The following FHIP1B variants were observed in gnomAD, a reference collection of about 807,000 sequenced individuals.
FHIP1B encodes the protein FHF complex subunit HOOK interacting protein 1B.
FHIP1B carries 28 observed loss-of-function variants against 82.2 expected under a neutral mutation model. The observed-to-expected ratio is 0.34, with a 90% CI of 0.25 to 0.47. The LOEUF is 0.47. Ranked by LOEUF, FHIP1B falls within the 20% of genes least tolerant of loss-of-function variation. The probability of loss-of-function intolerance (pLI) is 1.00; values close to 1 mark genes in which losing one functional copy is unlikely to be tolerated. For missense variants in FHIP1B, 1,110 were observed against 1,262.6 expected (o/e 0.88, Z 1.83); for synonymous variants, 585 against 516.1 (o/e 1.13, Z -1.81).
intron 7 of FHIP1B, 88 bp from the exon 8 acceptor site, chr11:6,218,851 G>A (rs1448161306): frequency 9.6e-6 from 15 of 1,570,054 alleles, no homozygotes; most frequent in Non-Finnish European, 1.2e-5. Context: ...AAACTGCATG[G>A]TTAAGCCAGG....
chr11:6,225,496 CTATT>C (rs1385808146), intron 1 of FHIP1B, among the ~76,000 whole-genome samples: 1 of 152,192 alleles, frequency 6.6e-6, no homozygotes, highest in Non-Finnish European at 1.5e-5. Flanking sequence ...CTACCTGAAA[CTATT>C]TATTTATTTG....
At chr11:6,219,501 C>T (rs1017166183) in intron 6 of FHIP1B, among the ~76,000 whole-genome samples, 1 of 152,126 alleles carries the variant, frequency 6.6e-6, no homozygotes, top group Admixed American at 6.5e-5. Context: ...TAGAGGGAAC[C>T]GGGAAGATTC....
At chr11:6,222,918 A>G in intron 4 of FHIP1B, 21 bp from the exon 5 acceptor site, 1 of 1,612,058 alleles carries the variant, frequency 6.2e-7, no homozygotes, top group Non-Finnish European at 8.5e-7. Context: ...GCCAGAGAGA[A>G]GGGGGAGGGT....
chr11:6,222,330 G>T, intron 6 of FHIP1B, 112 bp downstream of exon 6: 1 of 1,187,776 alleles, frequency 8.4e-7, no homozygotes, highest in Non-Finnish European at 1.2e-6. Flanking sequence ...TTAATTTTGA[G>T]GTGACTGCTG....
intron 8 of FHIP1B, 127 bp downstream of exon 8, chr11:6,218,473 C>A: frequency 6.9e-7 from 1 of 1,445,800 alleles, no homozygotes; most frequent in Admixed American, 1.9e-5. Flanking sequence ...TCAACCTCCC[C>A]AAAGACAGAC....
At chr11:6,233,244 C>A (rs1205864165) in intron 1 of FHIP1B, among the ~76,000 whole-genome samples, 4 of 152,182 alleles carry the variant, frequency 2.6e-5, no homozygotes, top group African/African-American at 9.7e-5. Flanking sequence ...ATGGTCTCTC[C>A]CTGTCCACTG....
Position 6,224,620 on chromosome 11 carries a change from A to G in FHIP1B, c.-104T>C. On this transcript the variant is annotated 5_prime_UTR_variant, in exon 2 of 12. Transcript: ENST00000449352. ...CTCCAGTCTGCTTCATCCGGTCTGT[A>G]GGAGCCAGTAGCTGCCCATGGAGCC... 2 of 1,252,298 alleles carry G rather than the reference A, an allele frequency of 1.6e-6. No individual in the cohort carries two copies. Among genetic ancestry groups the G allele is most frequent in the East Asian group, 2.5e-5 (1 of 40,190 alleles). The allele number at this position is 1,252,298 out of a possible 1,614,324, so 77.6% of individuals were successfully genotyped here. A position where few individuals can be genotyped will look rare whatever the true frequency, so the allele number is the denominator to read the frequency against.
chr11:6,224,021 C>T lies in FHIP1B; in HGVS notation c.366G>A (p.Gly122=), dbSNP rs1296032231. The T allele has an allele frequency of 6.2e-7, 1 of 1,613,890 alleles. No homozygotes were observed. The highest frequency in any genetic ancestry group is 8.5e-7 in the Non-Finnish European group (1 of 1,179,868). ...WQLQWDELGD[G]VEERRAEQLK... Reference sequence around the variant, plus strand: ...GTTGCTCAGCCCGCCGTTCCTCGACCCCATCCCCAAGCTCATCCCATTGCA... The same window carrying T: ...GTTGCTCAGCCCGCCGTTCCTCGACTCCATCCCCAAGCTCATCCCATTGCA... The change falls in exon 3 of 12, where the codon GGG becomes GGA. Residue 122 remains glycine (G), a synonymous_variant. Coordinates refer to ENST00000449352, the MANE Select transcript of FHIP1B (RefSeq NM_001098794.2).
chr11:6,225,653 A>C (rs1187236198), intron 1 of FHIP1B, among the ~76,000 whole-genome samples: 4 of 152,216 alleles, frequency 2.6e-5, no homozygotes, highest in African/African-American at 9.6e-5. Flanking sequence ...TGAATGAATG[A>C]ATGAACAATC....
intron 9 of FHIP1B, 30 bp downstream of exon 9, chr11:6,217,341 A>G (rs778593557): frequency 5.0e-6 from 8 of 1,592,088 alleles, no homozygotes; most frequent in Admixed American, 3.3e-5. Flanking sequence ...AAGAGTACAC[A>G]GAAGGGAAGG....
intron 1 of FHIP1B, among the ~76,000 whole-genome samples, chr11:6,229,976 CAAAA>C (rs59413930): frequency 1.1e-5 from 1 of 92,068 alleles, no homozygotes. Context: ...TAGCAAAGTC[CAAAA>C]AAAAAAAAAA....
chr11:6,232,392 C>A (rs1847721336), intron 1 of FHIP1B, among the ~76,000 whole-genome samples: 1 of 152,250 alleles, frequency 6.6e-6, no homozygotes, highest in East Asian at 1.9e-4. Context: ...ACATAACCTT[C>A]ATCCCTATGT....
At position 6,224,357 on chromosome 11, in the gene FHIP1B, C is replaced by T. The variant is rs201369644; in HGVS notation, c.138+22G>A. ...AACTCAGGTGATCAGCAGACAAGGC[C>T]CTTTGCCATACAGTCTCCTACCTGG... is the stretch of plus-strand genomic sequence containing the variant. On this transcript the variant is annotated intron_variant, in intron 2 of 11. Coordinates refer to ENST00000449352, the MANE Select transcript of FHIP1B (RefSeq NM_001098794.2). 78 of 1,614,170 alleles carry T rather than the reference C, an allele frequency of 4.8e-5. No homozygotes were observed. The East Asian group carries it at 1.7e-3, about 35-fold the overall frequency.
At chr11:6,213,659 T>A (rs1564857026) in intron 11 of FHIP1B, among the ~76,000 whole-genome samples, 1 of 152,194 alleles carries the variant, frequency 6.6e-6, no homozygotes, top group Non-Finnish European at 1.5e-5. Flanking sequence ...TAAAACTTCA[T>A]AACGATATTT....
chr11:6,219,057 G>A lies in FHIP1B; in HGVS notation c.1192-7C>T, dbSNP rs113192632. On this transcript the variant is annotated splice_region_variant and splice_polypyrimidine_tract_variant and intron_variant, in intron 6 of 11. Coordinates refer to ENST00000449352, the MANE Select transcript of FHIP1B (RefSeq NM_001098794.2). Reference sequence around the variant, plus strand: ...TCAGAGAGACCATGCAGAGCTGGGGGGGTGGAGGGGAGGGAGGGAGTCACC... The same window carrying A: ...TCAGAGAGACCATGCAGAGCTGGGGAGGTGGAGGGGAGGGAGGGAGTCACC... 455 of 1,608,494 alleles carry A rather than the reference G, an allele frequency of 2.8e-4. 1 individual carries two copies. In the African/African-American group the frequency reaches 5.6e-3, roughly 20 times the overall value.
intron 6 of FHIP1B, among the ~76,000 whole-genome samples, chr11:6,220,617 T>A (rs918050058): frequency 6.6e-6 from 1 of 152,142 alleles, no homozygotes; most frequent in Non-Finnish European, 1.5e-5. Context: ...TCTACATGTT[T>A]AACACGGGCA....
chr11:6,229,447 A>G (rs1208277562), intron 1 of FHIP1B, among the ~76,000 whole-genome samples: 1 of 152,192 alleles, frequency 6.6e-6, no homozygotes, highest in Non-Finnish European at 1.5e-5. Context: ...AAGTGCCCAT[A>G]TCTCTGACTG....
rs1441035616 is a variant in FHIP1B, at chr11:6,217,980, G to A, written c.1606C>T (p.Arg536Ter). 6.2e-7 allele frequency: 1 copy of A among 1,613,430 alleles called. No individual in the cohort carries two copies. Among genetic ancestry groups the A allele is most frequent in the Non-Finnish European group, 8.5e-7 (1 of 1,180,010 alleles). Residue 536 changes from arginine to a stop codon, truncating the protein, a stop_gained, in exon 9 of 12, where the codon CGA becomes TGA. Transcript: ENST00000449352. LOFTEE classifies it high-confidence loss of function. ...GGCTCCTCTGCAGGGGTAGGCCGTC[G>A]GCCAGGGCTGGAGGCGGGGGATGCA... ...LSASPASSPGRRPTPAEEPGE... is the reference protein window; with the variant it reads ...LSASPASSPG
In FHIP1B at chr11:6,223,337, G is replaced by A; in HGVS notation, c.778-99C>T. 1.6e-6 allele frequency: 2 copies of A among 1,270,770 alleles called. No homozygotes were observed. Among genetic ancestry groups the A allele is most frequent in the South Asian group, 1.4e-5 (1 of 72,614 alleles). The allele number at this position is 1,270,770 out of a possible 1,614,324, so 78.7% of individuals were successfully genotyped here. A position where few individuals can be genotyped will look rare whatever the true frequency, so the allele number is the denominator to read the frequency against. On this transcript the variant is annotated intron_variant, in intron 3 of 11. Transcript: ENST00000449352. This position sits in a 1 kb window ranked among gnomAD's most constrained non-coding sequence, Gnocchi z 4.8. ...AATCCAGAGTTTTGATGGGAATAGG[G>A]GTATAAGCTATTACCAAAGCAAGCA...
Sources: allele counts gnomAD v4.1 joint callset (sites outside exome capture counted in the v4.1 genomes callset), GRCh38; gene constraint gnomAD v4.1.1; non-coding constraint Gnocchi (gnomAD v3.1); transcripts MANE v1.5; gene names NCBI Gene and HGNC (gene_info 2026-07-23, HGNC 2026-07-21).